The following TPST1 variants were observed in gnomAD, a reference collection of about 807,000 sequenced individuals.
TPST1 encodes the protein protein-tyrosine sulfotransferase 1.
In TPST1, 20 loss-of-function variants were observed where a neutral mutation model predicts 34.8. The observed-to-expected ratio is 0.57, with a 90% CI of 0.40 to 0.84. The LOEUF is 0.84. TPST1 is among the 40% of genes least tolerant of loss of function. The probability of loss-of-function intolerance (pLI) is 0.00; values close to 1 mark genes in which losing one functional copy is unlikely to be tolerated. For missense variants in TPST1, 353 were observed against 455.5 expected (o/e 0.78, Z 2.05); for synonymous variants, 152 against 159.4 (o/e 0.95, Z 0.35).
At chr7:66,355,365 C>T (rs963745999) in intron 4 of TPST1, among the ~76,000 whole-genome samples, 1 of 151,508 alleles carries the variant, frequency 6.6e-6, no homozygotes, top group Non-Finnish European at 1.5e-5. Context: ...ATCCCAGCTA[C>T]TTGGGAGGGT....
At chr7:66,230,211 A>C (rs1335828519) in intron 1 of TPST1, among the ~76,000 whole-genome samples, 1 of 151,200 alleles carries the variant, frequency 6.6e-6, no homozygotes, top group Admixed American at 6.6e-5. Flanking sequence ...AAAACTAGTC[A>C]CTCTTCATCT....
intron 2 of TPST1, among the ~76,000 whole-genome samples, chr7:66,269,313 A>G (rs1215215562): frequency 6.6e-6 from 1 of 152,264 alleles, no homozygotes; most frequent in Admixed American, 6.5e-5. Context: ...ACTTTAGATT[A>G]GTTTTCTTAT....
chr7:66,356,914 C>G, intron 5 of TPST1, 43 bp downstream of exon 5: 2 of 1,606,656 alleles, frequency 1.2e-6, no homozygotes, highest in South Asian at 1.1e-5. Flanking sequence ...GTTTCCCACT[C>G]GGGCTCTTGC....
intron 2 of TPST1, among the ~76,000 whole-genome samples, chr7:66,255,240 G>C (rs2115661741): frequency 6.6e-6 from 1 of 152,004 alleles, no homozygotes; most frequent in African/African-American, 2.4e-5. Flanking sequence ...GGTCATCACA[G>C]TTGGGGAAGT....
intron 2 of TPST1, among the ~76,000 whole-genome samples, chr7:66,253,906 G>A (rs1221714377): frequency 8.6e-5 from 13 of 151,042 alleles, no homozygotes; most frequent in African/African-American, 2.4e-4. Flanking sequence ...GCATGGTAGC[G>A]GGCACCTTTA....
intron 3 of TPST1, among the ~76,000 whole-genome samples, chr7:66,322,757 C>T (rs1307736274): frequency 2.6e-5 from 4 of 152,126 alleles, no homozygotes; most frequent in Non-Finnish European, 5.9e-5. Context: ...AGTGGAATTG[C>T]TGAATTATAT....
At chr7:66,306,862 C>A (rs556386417) in intron 3 of TPST1, among the ~76,000 whole-genome samples, 1 of 151,234 alleles carries the variant, frequency 6.6e-6, no homozygotes, top group South Asian at 2.1e-4. Flanking sequence ...TACGGGCAGC[C>A]GCCACCATGC....
rs1562858685 is a variant in TPST1, at chr7:66,356,830, G to A, written c.1101G>A (p.Glu367=). The change falls in exon 5 of 6, where the codon GAG becomes GAA. Residue 367 remains glutamate (E), a synonymous_variant. Coordinates refer to ENST00000304842, the MANE Select transcript of TPST1 (RefSeq NM_003596.4). ...TCTTTTCTTTCCTTCAACAGACTGA[G>A]CAAGTGGAGTAGCAGAACCAGGAGC... The part of the protein sequence containing the change: ...PDFLKEKPQT[E]QVE The A allele has an allele frequency of 7.4e-6, 12 of 1,614,168 alleles. No individual in the cohort carries two copies. Among genetic ancestry groups the A allele is most frequent in the Non-Finnish European group, 1.0e-5 (12 of 1,180,032 alleles).
At chr7:66,223,168 T>C (rs1193014695) in intron 1 of TPST1, among the ~76,000 whole-genome samples, 3 of 152,186 alleles carry the variant, frequency 2.0e-5, no homozygotes, top group African/African-American at 7.2e-5. Flanking sequence ...TATGAGGGGC[T>C]GGGTGTGGTG....
intron 1 of TPST1, among the ~76,000 whole-genome samples, chr7:66,212,528 C>T (rs942410841): frequency 1.3e-5 from 2 of 150,910 alleles, no homozygotes; most frequent in Admixed American, 6.6e-5. Flanking sequence ...GATATGATCT[C>T]GGCTCACTGC....
intron 4 of TPST1, chr7:66,353,020 G>A (rs1253659048): frequency 1.0e-6 from 1 of 984,746 alleles, no homozygotes; most frequent in Non-Finnish European, 1.2e-6. Flanking sequence ...GACAGTGAGA[G>A]TTTGAAGGAT....
chr7:66,229,405 C>T lies in TPST1; in HGVS notation c.-101-10920C>T, dbSNP rs374711010. ...GATTACAGGCATGAGCCACCGCACC[C>T]GGCTGAGACTGGCTTCTTTCACACA... On this transcript the variant is annotated intron_variant, in intron 1 of 5. Transcript: ENST00000304842. Among the ~76,000 whole-genome samples the T allele has an allele frequency of 6.1e-4, 93 of 152,306 alleles. No individual in the cohort carries two copies. In the South Asian group the frequency reaches 0.018, roughly 30 times the overall value.
At chr7:66,231,181 G>A (rs1789781654) in intron 1 of TPST1, among the ~76,000 whole-genome samples, 1 of 152,182 alleles carries the variant, frequency 6.6e-6, no homozygotes, top group Non-Finnish European at 1.5e-5. Context: ...GTGCTGATTG[G>A]TGTGTTTACA....
At chr7:66,275,415 T>C (rs1275063431) in intron 2 of TPST1, among the ~76,000 whole-genome samples, 1 of 152,154 alleles carries the variant, frequency 6.6e-6, no homozygotes, top group Non-Finnish European at 1.5e-5. Flanking sequence ...GTGGTAGATA[T>C]ACCTGCACTC....
intron 3 of TPST1, among the ~76,000 whole-genome samples, chr7:66,337,975 A>G (rs1463747461): frequency 3.9e-5 from 6 of 152,224 alleles, no homozygotes; most frequent in Non-Finnish European, 7.3e-5. Flanking sequence ...ACAGTATGGC[A>G]GTAGTAAACC....
At chr7:66,331,572 A>G (rs1791995568) in intron 3 of TPST1, among the ~76,000 whole-genome samples, 1 of 151,830 alleles carries the variant, frequency 6.6e-6, no homozygotes, top group Non-Finnish European at 1.5e-5. Context: ...GCCTTTTAAA[A>G]TAAATTACTG....
intron 3 of TPST1, among the ~76,000 whole-genome samples, chr7:66,327,740 C>T (rs62468697): frequency 6.1e-5 from 9 of 147,406 alleles, no homozygotes; most frequent in East Asian, 4.0e-4. Context: ...AAAAAAAGTG[C>T]GTGTGTGTGT....
chr7:66,264,329 G>A (rs1228590723), intron 2 of TPST1, among the ~76,000 whole-genome samples: 2 of 152,220 alleles, frequency 1.3e-5, no homozygotes, highest in Non-Finnish European at 2.9e-5. Context: ...TCCCAAGAAT[G>A]TAGAAGGCCA....
intron 1 of TPST1, among the ~76,000 whole-genome samples, chr7:66,223,247 G>A (rs1789580683): frequency 6.6e-6 from 1 of 151,980 alleles, no homozygotes; most frequent in South Asian, 2.1e-4. Context: ...AGGGGTTCAA[G>A]ACCAGCCTGG....
Sources: allele counts gnomAD v4.1 joint callset (sites outside exome capture counted in the v4.1 genomes callset), GRCh38; gene constraint gnomAD v4.1.1; transcripts MANE v1.5; gene names NCBI Gene and HGNC (gene_info 2026-07-23, HGNC 2026-07-21).